Variants in SFT2D2 observed in about 807,000 individuals in gnomAD.
SFT2D2 encodes vesicle transport protein SFT2B.
SFT2D2 carries 21 observed loss-of-function variants against 27.4 expected under a neutral mutation model. The ratio of observed to expected loss-of-function variants is 0.77; its 90% CI spans 0.54 to 1.10. The LOEUF (loss-of-function observed/expected upper bound fraction) is 1.10, where lower values mean the gene tolerates loss of function less well. Among genes scored for constraint, SFT2D2 ranks in the 50% least tolerant of loss-of-function variants. The pLI, the probability that SFT2D2 is intolerant of heterozygous loss-of-function variation, is 0.00. For synonymous variants in SFT2D2, 72 were observed against 71.7 expected (o/e 1.00, Z -0.02); for missense variants, 187 against 194.2 (o/e 0.96, Z 0.22).
At chr1:168,240,492 C>T (rs903691777) in intron 7 of SFT2D2, among the ~76,000 whole-genome samples, 6 of 152,150 alleles carry the variant, frequency 3.9e-5, no homozygotes, top group African/African-American at 1.4e-4. Flanking sequence ...TGAAGTAAAC[C>T]GGAGTTCATC....
intron 7 of SFT2D2, among the ~76,000 whole-genome samples, chr1:168,241,506 T>G (rs1647643272): frequency 6.6e-6 from 1 of 152,098 alleles, no homozygotes; most frequent in Non-Finnish European, 1.5e-5. Flanking sequence ...CCCTTCTATT[T>G]GTAAGTTCCC....
intron 4 of SFT2D2, among the ~76,000 whole-genome samples, chr1:168,235,899 G>T (rs1185148879): frequency 6.6e-6 from 1 of 152,174 alleles, no homozygotes; most frequent in Non-Finnish European, 1.5e-5. Context: ...AAATAGGTGA[G>T]TTATCAAAAG....
chr1:168,233,772 T>G (rs1647398407), intron 3 of SFT2D2, among the ~76,000 whole-genome samples: 1 of 152,198 alleles, frequency 6.6e-6, no homozygotes, highest in Non-Finnish European at 1.5e-5. Context: ...CTTCATAGAC[T>G]GTGTAGGGAA....
At chr1:168,239,028 G>A in intron 6 of SFT2D2, 103 bp from the exon 7 acceptor site, 1 of 887,804 alleles carries the variant, frequency 1.1e-6, no homozygotes, top group East Asian at 2.4e-5. Context: ...AGAGGGTCTG[G>A]ATAGATCACT....
chr1:168,236,501 T>C, intron 4 of SFT2D2, 88 bp from the exon 5 acceptor site: 1 of 1,318,618 alleles, frequency 7.6e-7, no homozygotes, highest in Non-Finnish European at 1.1e-6. Context: ...TGCATAAGTT[T>C]TGTGCATTTG....
rs778898014 is a variant in SFT2D2, at chr1:168,236,603, TA to T, written c.334del (p.Thr112ProfsTer25). 1.2e-6 allele frequency: 2 copies of T among 1,613,486 alleles called. No individual in the cohort carries two copies. The highest frequency in any genetic ancestry group is 1.7e-6 in the Non-Finnish European group (2 of 1,179,956). ...TIMVLLCFALTLCSAFWWHNK... is the reference protein window; with the variant it reads ...TIMVLLCFALXLCSAFWWHNK... Reference sequence around the variant, plus strand: ...TCTTCCTTTAGTTGTGTTTTGCACTTACCCTGTGTTCTGCCTTTTGGGTAAA... The same window carrying T: ...TCTTCCTTTAGTTGTGTTTTGCACTTCCCTGTGTTCTGCCTTTTGGGTAAA... On this transcript the variant is annotated frameshift_variant, in exon 5 of 8. Transcript: ENST00000271375. LOFTEE classifies it high-confidence loss of function.
intron 3 of SFT2D2, among the ~76,000 whole-genome samples, chr1:168,233,080 G>A (rs576496091): frequency 1.6e-4 from 25 of 152,294 alleles, no homozygotes; most frequent in African/African-American, 5.8e-4. Context: ...TCCTCAGCAC[G>A]CATACAGTCA....
At chr1:168,230,706 C>T (rs957072391) in intron 1 of SFT2D2, among the ~76,000 whole-genome samples, 4 of 152,102 alleles carry the variant, frequency 2.6e-5, no homozygotes, top group African/African-American at 9.7e-5. Flanking sequence ...AACTCCTGAC[C>T]TCAGGTGATG....
intron 1 of SFT2D2, among the ~76,000 whole-genome samples, chr1:168,228,394 A>T (rs141762324): frequency 6.6e-6 from 1 of 152,174 alleles, no homozygotes; most frequent in Non-Finnish European, 1.5e-5. Context: ...TAAAACCTTT[A>T]TTCCTTTAAT....
In SFT2D2 at chr1:168,250,324, A is replaced by C. The variant is rs1647921707; in HGVS notation, c.*7784A>C. ...AATCTGCTGAAACCTGTTACCAAGC[A>C]ACAGCAGTGATTAAAAGCAACCTGA... On this transcript the variant is annotated 3_prime_UTR_variant, in exon 8 of 8. Transcript: ENST00000271375. 6.6e-6 allele frequency: 1 copy of C among 152,262 alleles called. No homozygotes were observed. Among genetic ancestry groups the C allele is most frequent in the African/African-American group, 2.4e-5 (1 of 41,462 alleles). 9.4% of individuals were successfully genotyped at this position (152,262 alleles called of 1,614,324 possible).
At chr1:168,238,746 G>C (rs922658289) in intron 6 of SFT2D2, among the ~76,000 whole-genome samples, 1 of 152,042 alleles carries the variant, frequency 6.6e-6, no homozygotes, top group Non-Finnish European at 1.5e-5. Context: ...CGGTTCAACT[G>C]TTCTGGGTTT....
chr1:168,252,091 C>T lies in SFT2D2; in HGVS notation c.*9551C>T, dbSNP rs1647965650. 3 of 152,142 alleles carry T rather than the reference C, an allele frequency of 2.0e-5. No homozygotes were observed. Among genetic ancestry groups the T allele is most frequent in the Non-Finnish European group, 2.9e-5 (2 of 67,990 alleles). 9.4% of individuals were successfully genotyped at this position (152,142 alleles called of 1,614,324 possible). On this transcript the variant is annotated 3_prime_UTR_variant, in exon 8 of 8. Coordinates refer to ENST00000271375, the MANE Select transcript of SFT2D2 (RefSeq NM_199344.3). ...CTTGGCTTACCAGTTTTCATTGCAG[C>T]GAGTAAATGGGGAGTAGCAGAGCCT...
chr1:168,242,839 T>C lies in SFT2D2; in HGVS notation c.*299T>C. ...TGAATTCCCATGAATACAAACCTAT[T>C]CAGCAACAGCACATAAGCCTTGGGT... On this transcript the variant is annotated 3_prime_UTR_variant, in exon 8 of 8. Coordinates refer to ENST00000271375, the MANE Select transcript of SFT2D2 (RefSeq NM_199344.3). The C allele has an allele frequency of 2.5e-6, 1 of 401,498 alleles. No individual in the cohort carries two copies. The highest frequency in any genetic ancestry group is 2.5e-5 in the South Asian group (1 of 40,674). The allele number at this position is 401,498 out of a possible 1,614,324, so 24.9% of individuals were successfully genotyped here. A position where few individuals can be genotyped will look rare whatever the true frequency, so the allele number is the denominator to read the frequency against.
At chr1:168,227,807 A>G (rs757695393) in intron 1 of SFT2D2, among the ~76,000 whole-genome samples, 49 of 152,208 alleles carry the variant, frequency 3.2e-4, no homozygotes, top group Non-Finnish European at 5.7e-4. Flanking sequence ...CTCTCCCTGC[A>G]GACTCTTGAG....
rs1410183244 is a variant in SFT2D2 at position 168,252,788 on chromosome 1, C to G, written c.*10248C>G. The G allele has an allele frequency of 6.6e-6, 1 of 152,106 alleles. No homozygotes were observed. Among genetic ancestry groups the G allele is most frequent in the Admixed American group, 6.5e-5 (1 of 15,272 alleles). The allele number at this position is 152,106 out of a possible 1,614,324, so 9.4% of individuals were successfully genotyped here. A position where few individuals can be genotyped will look rare whatever the true frequency, so the allele number is the denominator to read the frequency against. The stretch of plus-strand genomic sequence containing the variant: ...ATCCATTTTTGTAATTGTATAAATA[C>G]TCATAACTAATTTTGAATGCTACTG... On this transcript the variant is annotated 3_prime_UTR_variant, in exon 8 of 8. Coordinates refer to ENST00000271375, the MANE Select transcript of SFT2D2 (RefSeq NM_199344.3).
chr1:168,230,933 T>C (rs1647255073), intron 1 of SFT2D2, among the ~76,000 whole-genome samples: 1 of 152,212 alleles, frequency 6.6e-6, no homozygotes, highest in Admixed American at 6.5e-5. Flanking sequence ...CAGTAATTAA[T>C]TAACCAGGAT....
Position 168,252,491 on chromosome 1 carries a change from C to T in SFT2D2, c.*9951C>T, listed in dbSNP as rs1031132164. The T allele has an allele frequency of 5.3e-5, 8 of 152,118 alleles. No individual in the cohort carries two copies. The highest frequency in any genetic ancestry group is 1.9e-4 in the African/African-American group (8 of 41,418). The allele number at this position is 152,118 out of a possible 1,614,324, so 9.4% of individuals were successfully genotyped here. A position where few individuals can be genotyped will look rare whatever the true frequency, so the allele number is the denominator to read the frequency against. On this transcript the variant is annotated 3_prime_UTR_variant, in exon 8 of 8. Transcript: ENST00000271375. ...GATGAACCTTGTATTTGTGTAATCT[C>T]CCAAGGGAGAGCTATGGTTTACATT...
chr1:168,234,125 C>T (rs1647409034), intron 3 of SFT2D2, among the ~76,000 whole-genome samples: 1 of 152,160 alleles, frequency 6.6e-6, no homozygotes, highest in Non-Finnish European at 1.5e-5. Context: ...GGGCCAGGCG[C>T]AGTGGCTCAC....
In SFT2D2 at chr1:168,242,794, C is replaced by G. The variant is rs78404728; in HGVS notation, c.*254C>G. 4.3e-3 allele frequency: 2,159 copies of G among 503,324 alleles called. 14 individuals carry two copies. Among genetic ancestry groups the G allele is most frequent in the Non-Finnish European group, 5.2e-3 (1,439 of 275,690 alleles). The allele number at this position is 503,324 out of a possible 1,614,324, so 31.2% of individuals were successfully genotyped here. A position where few individuals can be genotyped will look rare whatever the true frequency, so the allele number is the denominator to read the frequency against. ...GGAATCTTCCTCATGTACCTGTTTC[C>G]TCTCTGGATGTTGTCCCACTGAATT... On this transcript the variant is annotated 3_prime_UTR_variant, in exon 8 of 8. Transcript: ENST00000271375.
Sources: gnomAD v4.1 joint callset for allele counts (sites outside exome capture counted in the v4.1 genomes callset) on GRCh38, gnomAD v4.1.1 for gene constraint, MANE v1.5 for transcripts, NCBI Gene and HGNC (gene_info 2026-07-23, HGNC 2026-07-21) for gene names.